KIF26B: variants seen among roughly 807,000 people sequenced by gnomAD.
KIF26B encodes the protein kinesin-like protein KIF26B.
Under a neutral mutation model 151.2 loss-of-function variants are expected in KIF26B, and 63 were observed. The ratio of observed to expected loss-of-function variants is 0.42; its 90% CI spans 0.34 to 0.51. The LOEUF (loss-of-function observed/expected upper bound fraction) is 0.51, where lower values mean the gene tolerates loss of function less well. Ranked by LOEUF, KIF26B falls within the 20% of genes least tolerant of loss-of-function variation. The pLI is 0.07. For synonymous variants in KIF26B, 1,357 were observed against 1,262.1 expected (o/e 1.08, Z -1.59); for missense variants, 2,813 against 2,913.6 (o/e 0.97, Z 0.79).
At chr1:245,185,701 T>C (rs1668987619) in intron 2 of KIF26B, among the ~76,000 whole-genome samples, 1 of 152,282 alleles carries the variant, frequency 6.6e-6, no homozygotes, top group South Asian at 2.1e-4. Flanking sequence ...ATTTCTAATA[T>C]TTATATTTTC....
At chr1:245,458,142 C>T (rs1486582160) in intron 4 of KIF26B, among the ~76,000 whole-genome samples, 1 of 152,164 alleles carries the variant, frequency 6.6e-6, no homozygotes, top group African/African-American at 2.4e-5. Flanking sequence ...AGTGAGGAAA[C>T]TGAGATTCAG....
At chr1:245,664,910 A>T (rs535364558) in intron 10 of KIF26B, among the ~76,000 whole-genome samples, 37 of 152,330 alleles carry the variant, frequency 2.4e-4, no homozygotes, top group African/African-American at 8.7e-4. Flanking sequence ...ATGTGCATTA[A>T]CACATCAAAC....
intron 2 of KIF26B, among the ~76,000 whole-genome samples, chr1:245,185,295 C>T (rs1416977853): frequency 6.6e-6 from 1 of 152,086 alleles, no homozygotes; most frequent in African/African-American, 2.4e-5. Flanking sequence ...CCCGCCACCA[C>T]ACCTGGCTAG....
chr1:245,665,674 CATA>C (rs2044204670), intron 10 of KIF26B, among the ~76,000 whole-genome samples: 1 of 152,144 alleles, frequency 6.6e-6, no homozygotes, highest in South Asian at 2.1e-4. Flanking sequence ...TACATTTCAG[CATA>C]ATAAGTTTCT....
intron 9 of KIF26B, among the ~76,000 whole-genome samples, chr1:245,644,224 G>T (rs1171191954): frequency 6.6e-6 from 1 of 151,496 alleles, no homozygotes; most frequent in Non-Finnish European, 1.5e-5. Context: ...TTTATTGCTA[G>T]ATCTTCAAAT....
At position 245,597,090 on chromosome 1, in the gene KIF26B, A is replaced by G. The variant is rs1029603255; in HGVS notation, c.1351-5487A>G. Among the ~76,000 whole-genome samples the G allele has an allele frequency of 1.4e-4, 21 of 152,170 alleles. No homozygotes were observed. Among genetic ancestry groups the G allele is most frequent in the African/African-American group, 5.1e-4 (21 of 41,438 alleles). ...GTCTTGACTCTTTATCCAATTTGCC[A>G]GTCTATATCTTTTAATTGGGGCATT... On this transcript the variant is annotated intron_variant, in intron 5 of 14. Transcript: ENST00000407071. This position sits in a 1 kb window ranked among gnomAD's most constrained non-coding sequence, Gnocchi z 4.6.
intron 2 of KIF26B, among the ~76,000 whole-genome samples, chr1:245,299,669 A>G (rs1671396700): frequency 1.3e-5 from 2 of 152,206 alleles, no homozygotes; most frequent in African/African-American, 4.8e-5. Flanking sequence ...GGCATGTCCA[A>G]GGTTGCCCAG....
At chr1:245,215,261 C>T (rs1228610201) in intron 2 of KIF26B, among the ~76,000 whole-genome samples, 1 of 152,120 alleles carries the variant, frequency 6.6e-6, no homozygotes, top group East Asian at 1.9e-4. Context: ...GGCCCGGCTC[C>T]TTGGTGACCA....
At chr1:245,637,092 A>G (rs2043841489) in intron 9 of KIF26B, among the ~76,000 whole-genome samples, 1 of 152,146 alleles carries the variant, frequency 6.6e-6, no homozygotes. Flanking sequence ...AGAAACCTCC[A>G]GAATGTTTTC....
At chr1:245,157,729 G>GA (rs1217105761) in intron 2 of KIF26B, among the ~76,000 whole-genome samples, 1 of 152,214 alleles carries the variant, frequency 6.6e-6, no homozygotes, top group African/African-American at 2.4e-5. Flanking sequence ...ATGAACTCGT[G>GA]GATGGTTGTC....
chr1:245,649,540 G>A (rs1290002127), intron 10 of KIF26B, among the ~76,000 whole-genome samples: 1 of 152,208 alleles, frequency 6.6e-6, no homozygotes, highest in East Asian at 1.9e-4. Context: ...AGGGTGTCAA[G>A]CCTTGTCTTT....
chr1:245,324,641 A>T (rs1367429631), intron 2 of KIF26B, among the ~76,000 whole-genome samples: 1 of 151,882 alleles, frequency 6.6e-6, no homozygotes, highest in Non-Finnish European at 1.5e-5. Context: ...TTCCCTTGAA[A>T]TCCCTCCTGC....
chr1:245,505,686 A>G lies in KIF26B; in HGVS notation c.1167-35081A>G, dbSNP rs562391067. On this transcript the variant is annotated intron_variant, in intron 4 of 14. Transcript: ENST00000407071. ...AGGTATGAGCCACTGCGGCTCATAC[A>G]TAAAGCATTATATACAATTGTCATT... Among the ~76,000 whole-genome samples the G allele has an allele frequency of 2.6e-5, 4 of 152,348 alleles. No individual in the cohort carries two copies. The East Asian group carries it at 7.7e-4, about 29-fold the overall frequency.
chr1:245,364,585 T>C (rs1672899801), intron 2 of KIF26B, among the ~76,000 whole-genome samples: 1 of 152,056 alleles, frequency 6.6e-6, no homozygotes, highest in South Asian at 2.1e-4. Context: ...CACGCCCAGC[T>C]AATTTTTTTG....
Position 245,280,541 on chromosome 1 carries a change from AG to A in KIF26B, c.466-86292del, listed in dbSNP as rs1428030905. Reference sequence around the variant, plus strand: ...GCGAGACTCTGTCTCAAAAAAAAAAAGAAAAGAAATTATTTTAGGCAGATAA... The same window carrying A: ...GCGAGACTCTGTCTCAAAAAAAAAAAAAAAGAAATTATTTTAGGCAGATAA... On this transcript the variant is annotated intron_variant, in intron 2 of 14. Transcript: ENST00000407071. Among the ~76,000 whole-genome samples the A allele has an allele frequency of 6.4e-5, 9 of 140,232 alleles. No homozygotes were observed. The East Asian group carries it at 1.3e-3, about 20-fold the overall frequency. 92.0% of individuals were successfully genotyped at this position (140,232 alleles called of 152,430 possible).
At chr1:245,650,981 G>C (rs1434914307) in intron 10 of KIF26B, among the ~76,000 whole-genome samples, 2 of 152,158 alleles carry the variant, frequency 1.3e-5, no homozygotes, top group Admixed American at 6.5e-5. Context: ...GACACTTTGG[G>C]TCTCAGCAGC....
intron 4 of KIF26B, among the ~76,000 whole-genome samples, chr1:245,476,341 T>A (rs1365977657): frequency 6.6e-6 from 1 of 151,806 alleles, no homozygotes; most frequent in African/African-American, 2.4e-5. Flanking sequence ...ACATGCATAG[T>A]GATTGCACAA....
chr1:245,650,872 C>A (rs1239045130), intron 10 of KIF26B, among the ~76,000 whole-genome samples: 1 of 152,184 alleles, frequency 6.6e-6, no homozygotes, highest in Non-Finnish European at 1.5e-5. Flanking sequence ...GCTACATAAC[C>A]ATCCTGTCGT....
intron 2 of KIF26B, among the ~76,000 whole-genome samples, chr1:245,158,570 C>A (rs6703095): frequency 0.98 from 149,118 of 152,320 alleles, 73,073 homozygotes; most frequent in Middle Eastern, 1. Context: ...ACAATGACTT[C>A]GAGTGATCCA....
Sources: allele counts gnomAD v4.1 joint callset (sites outside exome capture counted in the v4.1 genomes callset), GRCh38; gene constraint gnomAD v4.1.1; non-coding constraint Gnocchi (gnomAD v3.1); transcripts MANE v1.5; gene names NCBI Gene and HGNC (gene_info 2026-07-23, HGNC 2026-07-21).